Variants in UGGT2 observed in about 807,000 individuals in gnomAD.
UGGT2 encodes UDP-glucose:glycoprotein glucosyltransferase 2.
Under a neutral mutation model 192.1 loss-of-function variants are expected in UGGT2, and 180 were observed. That is an observed-to-expected ratio of 0.94 (90% CI 0.83 to 1.06). UGGT2 has a LOEUF of 1.06. Ranked by LOEUF, UGGT2 falls within the 50% of genes least tolerant of loss-of-function variation. The pLI is 0.00. For missense variants in UGGT2, 1,849 were observed against 1,795.7 expected, an observed-to-expected ratio of 1.03 and a Z score of -0.54; for synonymous variants, 580 against 591.0, an observed-to-expected ratio of 0.98 and a Z score of 0.27.
At chr13:96,052,752 C>CT (rs1244150813) in intron 1 of UGGT2, among the ~76,000 whole-genome samples, 3 of 152,188 alleles carry the variant, frequency 2.0e-5, no homozygotes, top group Non-Finnish European at 4.4e-5. Context: ...GGAAGCTGCC[C>CT]TCCCCATAGT....
chr13:95,808,269 T>C (rs977258921), intron 38 of UGGT2, among the ~76,000 whole-genome samples: 1 of 152,258 alleles, frequency 6.6e-6, no homozygotes. Flanking sequence ...TCTTCAAGGC[T>C]TGGGGGTTAG....
intron 12 of UGGT2, among the ~76,000 whole-genome samples, chr13:95,957,962 T>A (rs1255476447): frequency 2.0e-5 from 3 of 152,158 alleles, no homozygotes; most frequent in Non-Finnish European, 4.4e-5. Context: ...ATCTAGCCAA[T>A]GAAAGAATAC....
At chr13:95,831,535 TTATTTC>T (rs1886688030) in intron 38 of UGGT2, among the ~76,000 whole-genome samples, 2 of 152,258 alleles carry the variant, frequency 1.3e-5, no homozygotes, top group South Asian at 2.1e-4. Flanking sequence ...GATGGACAGA[TTATTTC>T]TATTTCATTG....
chr13:95,837,309 T>C, intron 36 of UGGT2, 107 bp from the exon 37 acceptor site: 1 of 754,342 alleles, frequency 1.3e-6, no homozygotes, highest in Non-Finnish European at 2.3e-6. Flanking sequence ...TCATAAAACA[T>C]ATGCAAATCT....
intron 12 of UGGT2, among the ~76,000 whole-genome samples, chr13:95,953,947 C>A (rs2050140641): frequency 6.6e-6 from 1 of 152,140 alleles, no homozygotes; most frequent in African/African-American, 2.4e-5. Flanking sequence ...AGTCCCTAAG[C>A]ATGCTCAAAA....
At chr13:95,896,128 A>G (rs938236524) in intron 22 of UGGT2, among the ~76,000 whole-genome samples, 2 of 152,138 alleles carry the variant, frequency 1.3e-5, no homozygotes, top group Non-Finnish European at 2.9e-5. Flanking sequence ...ATTTAATGAT[A>G]ATCAGAAAAC....
intron 38 of UGGT2, among the ~76,000 whole-genome samples, chr13:95,805,450 C>T (rs542295767): frequency 1.1e-4 from 16 of 152,144 alleles, no homozygotes; most frequent in South Asian, 6.2e-4. Flanking sequence ...TAATGGAAAG[C>T]GGGGTCTCAA....
At chr13:95,878,004 G>A (rs896891765) in intron 27 of UGGT2, 148 bp from the exon 28 acceptor site, 2 of 788,032 alleles carry the variant, frequency 2.5e-6, no homozygotes, top group Non-Finnish European at 3.8e-6. Context: ...GTGAATTCAT[G>A]AGTTGAACTG....
chr13:95,927,717 G>T (rs1268211547), intron 17 of UGGT2, among the ~76,000 whole-genome samples: 2 of 151,708 alleles, frequency 1.3e-5, no homozygotes, highest in African/African-American at 4.8e-5. Context: ...TCGGAGAGGG[G>T]GATTTGGCGG....
chr13:95,968,916 G>A (rs1342357353), intron 12 of UGGT2, among the ~76,000 whole-genome samples: 1 of 152,112 alleles, frequency 6.6e-6, no homozygotes, highest in Non-Finnish European at 1.5e-5. Flanking sequence ...CCCAAGAAGG[G>A]TCTGTTTACA....
chr13:95,818,089 T>A lies in UGGT2; in HGVS notation c.4528+14838A>T, dbSNP rs140337879. Among the ~76,000 whole-genome samples, 838 of 152,282 alleles carry A rather than the reference T, an allele frequency of 5.5e-3. 25 individuals are homozygous for A. The highest frequency in any genetic ancestry group is 0.046 in the Admixed American group (711 of 15,296). On this transcript the variant is annotated intron_variant, in intron 38 of 38. Transcript: ENST00000376747. ...TGGGAGGCCAAGGCGGGAGGATGGC[T>A]TGAGCCAGGGAGTTCCAGAACAGCC...
At chr13:95,895,359 GA>G (rs2047918631) in intron 22 of UGGT2, 55 bp from the exon 23 acceptor site, 1 of 1,093,144 alleles carries the variant, frequency 9.1e-7, no homozygotes. Context: ...ATCAGTTTAG[GA>G]AAAACATTTC....
intron 38 of UGGT2, among the ~76,000 whole-genome samples, chr13:95,828,663 G>A (rs970519725): frequency 1.3e-5 from 2 of 152,108 alleles, no homozygotes; most frequent in African/African-American, 4.8e-5. Flanking sequence ...CTCTGAAATT[G>A]AGGCAATAAT....
intron 10 of UGGT2, among the ~76,000 whole-genome samples, chr13:95,978,795 AGAATAAG>A (rs1487219771): frequency 6.6e-6 from 1 of 152,214 alleles, no homozygotes; most frequent in Admixed American, 6.5e-5. Context: ...TGTCATTTTC[AGAATAAG>A]GAATAAGACA....
At chr13:95,873,117 G>A (rs1034700852) in intron 29 of UGGT2, among the ~76,000 whole-genome samples, 8 of 152,154 alleles carry the variant, frequency 5.3e-5, no homozygotes, top group African/African-American at 1.7e-4. Context: ...ATGATGAAAC[G>A]GTAGTGGCAG....
intron 4 of UGGT2, among the ~76,000 whole-genome samples, chr13:96,019,983 C>T (rs892218553): frequency 3.3e-5 from 5 of 152,146 alleles, no homozygotes; most frequent in Non-Finnish European, 5.9e-5. Context: ...GAACTGAGGG[C>T]CCTTTTGAGC....
At chr13:95,930,263 TAATTA>T (rs2049202811) in intron 17 of UGGT2, among the ~76,000 whole-genome samples, 1 of 152,160 alleles carries the variant, frequency 6.6e-6, no homozygotes. Context: ...TTGTACTCTT[TAATTA>T]ATTAGGTCCC....
At chr13:96,033,848 G>A (rs1343130306) in intron 1 of UGGT2, among the ~76,000 whole-genome samples, 3 of 152,172 alleles carry the variant, frequency 2.0e-5, no homozygotes, top group Non-Finnish European at 4.4e-5. Context: ...CCTGAAAGGT[G>A]CCCCATGACG....
At chr13:95,836,214 A>G (rs948854221) in intron 37 of UGGT2, among the ~76,000 whole-genome samples, 6 of 152,102 alleles carry the variant, frequency 3.9e-5, no homozygotes, top group African/African-American at 9.7e-5. Context: ...ACGCCCAGCT[A>G]ATTTTTTGTA....
Sources: gnomAD v4.1 joint callset for allele counts (sites outside exome capture counted in the v4.1 genomes callset) on GRCh38, gnomAD v4.1.1 for gene constraint, MANE v1.5 for transcripts, NCBI Gene and HGNC (gene_info 2026-07-23, HGNC 2026-07-21) for gene names.